Variants in OSBPL10 observed in about 807,000 individuals in gnomAD.
The protein encoded by OSBPL10 is oxysterol binding protein like 10.
In OSBPL10, 49 loss-of-function variants were observed where a neutral mutation model predicts 81.7. The observed-to-expected ratio is 0.60, with a 90% CI of 0.48 to 0.76. The LOEUF (loss-of-function observed/expected upper bound fraction) is 0.76. OSBPL10 is among the 30% of genes least tolerant of loss of function. OSBPL10 has a pLI of 0.00. For missense variants in OSBPL10, 923 were observed against 987.8 expected (o/e 0.93, Z 0.88); for synonymous variants, 419 against 383.6 (o/e 1.09, Z -1.08).
At chr3:31,926,878 G>A (rs1697089898) in intron 1 of OSBPL10, among the ~76,000 whole-genome samples, 1 of 152,190 alleles carries the variant, frequency 6.6e-6, no homozygotes, top group African/African-American at 2.4e-5. Flanking sequence ...GAGAGGCTGA[G>A]GCAGGTGGAT....
chr3:31,791,039 GAGA>G (rs1417044717), intron 4 of OSBPL10, among the ~76,000 whole-genome samples: 1 of 152,166 alleles, frequency 6.6e-6, no homozygotes, highest in Non-Finnish European at 1.5e-5. Flanking sequence ...GGGAAGGATG[GAGA>G]AGGTTTGATT....
intron 3 of OSBPL10, among the ~76,000 whole-genome samples, chr3:31,856,069 TACACACACACACACACAC>T (rs10576489): frequency 0.022 from 2,895 of 134,462 alleles, 45 homozygotes; most frequent in Non-Finnish European, 0.036. Context: ...ATGTTTATAT[TACACACACACACACACAC>T]ACACACACAC....
chr3:31,724,307 G>T (rs1161537483), intron 6 of OSBPL10, among the ~76,000 whole-genome samples: 1 of 152,098 alleles, frequency 6.6e-6, no homozygotes, highest in African/African-American at 2.4e-5. Context: ...CCAGCTCACA[G>T]TTGGCAAATC....
chr3:32,048,603 A>G (rs1363787773), intron 1 of OSBPL10, among the ~76,000 whole-genome samples: 1 of 152,078 alleles, frequency 6.6e-6, no homozygotes, highest in Non-Finnish European at 1.5e-5. Context: ...CACCATGCCC[A>G]GCCTCTCTTA....
Position 31,668,709 on chromosome 3 carries a change from T to C in OSBPL10, c.2029A>G (p.Thr677Ala), listed in dbSNP as rs1700256246. 5.6e-6 allele frequency: 9 copies of C among 1,614,190 alleles called. No individual in the cohort carries two copies. Among genetic ancestry groups the C allele is most frequent in the Non-Finnish European group, 7.6e-6 (9 of 1,180,024 alleles). Residue 677 changes from threonine to alanine, a missense_variant, in exon 10 of 12, where the codon ACA becomes GCA. Physicochemically the swap from Thr to Ala is moderately conservative, Grantham distance 58 (BLOSUM62 0). This residue lies in a region of OSBPL10 where 387 missense variants were observed against 436.3 expected (regional missense o/e 0.89). Transcript: ENST00000396556. ...TTGGGATACACTGGCAGTGTGGTTG[T>C]GTCGATGACTTTGGTTTCTCCATTG... is the stretch of plus-strand genomic sequence containing the variant. ...YNNGETKVID[T>A]TTLPVYPKKI...
rs987727799 is a variant in OSBPL10, at chr3:31,737,022, T to C, written c.941-3611A>G. ...CCTCTATCCCATCATTATCCAGATATGGCAACTTAGGGCACCACAGAGCAA... is the reference window on the plus strand; with the variant it reads ...CCTCTATCCCATCATTATCCAGATACGGCAACTTAGGGCACCACAGAGCAA... On this transcript the variant is annotated intron_variant, in intron 5 of 11. Coordinates refer to ENST00000396556, the MANE Select transcript of OSBPL10 (RefSeq NM_017784.5). 1.1e-4 allele frequency among the ~76,000 whole-genome samples: 16 copies of C among 152,322 alleles called. 1 individual carries two copies. Among genetic ancestry groups the C allele is most frequent in the Middle Eastern group, 3.4e-3 (1 of 294 alleles).
intron 4 of OSBPL10, among the ~76,000 whole-genome samples, chr3:31,750,731 A>T (rs994278212): frequency 2.0e-4 from 31 of 152,158 alleles, no homozygotes; most frequent in African/African-American, 6.0e-4. Context: ...ATGATGCATT[A>T]TGTTTTTATT....
At chr3:31,749,978 C>T (rs755847291) in intron 4 of OSBPL10, among the ~76,000 whole-genome samples, 41 of 151,804 alleles carry the variant, frequency 2.7e-4, no homozygotes, top group Non-Finnish European at 5.1e-4. Context: ...GTCAGGAGTT[C>T]GAAACCAGCC....
chr3:31,842,892 C>T (rs1294600860), intron 3 of OSBPL10, among the ~76,000 whole-genome samples: 2 of 152,128 alleles, frequency 1.3e-5, no homozygotes, highest in African/African-American at 2.4e-5. Context: ...GCTGAGAATA[C>T]GTTCCATAAT....
Position 31,912,460 on chromosome 3 carries a change from G to A in OSBPL10, c.282-32630C>T, listed in dbSNP as rs1433565748. On this transcript the variant is annotated intron_variant, in intron 1 of 11. Coordinates refer to ENST00000396556, the MANE Select transcript of OSBPL10 (RefSeq NM_017784.5). ...GGGTCGGGGGGCGGACATTAGTAAAGTTGAGGAAGTACTGGTTATTGAGAA... is the reference window on the plus strand; with the variant it reads ...GGGTCGGGGGGCGGACATTAGTAAAATTGAGGAAGTACTGGTTATTGAGAA... Among the ~76,000 whole-genome samples, 3 of 151,816 alleles carry A rather than the reference G, an allele frequency of 2.0e-5. No individual in the cohort carries two copies. The South Asian group carries it at 6.2e-4, about 32-fold the overall frequency.
chr3:31,962,756 G>A (rs1214878292), intron 1 of OSBPL10, among the ~76,000 whole-genome samples: 6 of 152,320 alleles, frequency 3.9e-5, no homozygotes, highest in African/African-American at 1.4e-4. Flanking sequence ...TTGTCTAGGG[G>A]AGCAAATCCA....
At chr3:31,895,033 C>G (rs1451488174) in intron 1 of OSBPL10, among the ~76,000 whole-genome samples, 1 of 151,846 alleles carries the variant, frequency 6.6e-6, no homozygotes, top group African/African-American at 2.4e-5. Context: ...GAGCATGGGT[C>G]TCTGATTTCT....
intron 4 of OSBPL10, among the ~76,000 whole-genome samples, chr3:31,784,514 T>C (rs1013048911): frequency 6.6e-6 from 1 of 152,186 alleles, no homozygotes; most frequent in East Asian, 1.9e-4. Context: ...TAAATATGCA[T>C]GTACAAGTTA....
At chr3:31,962,909 T>G (rs757999399) in intron 1 of OSBPL10, among the ~76,000 whole-genome samples, 5 of 152,236 alleles carry the variant, frequency 3.3e-5, no homozygotes, top group African/African-American at 9.6e-5. Context: ...ATGCCTGATC[T>G]CCTGGATCTT....
At chr3:32,009,945 C>T (rs1324515843) in intron 2 of OSBPL10, among the ~76,000 whole-genome samples, 3 of 152,094 alleles carry the variant, frequency 2.0e-5, no homozygotes, top group African/African-American at 7.2e-5. Context: ...TGAATTGTTT[C>T]CCCCAGTGCC....
At chr3:31,990,064 C>T in intron 2 of OSBPL10, 1 of 1,613,994 alleles carries the variant, frequency 6.2e-7, no homozygotes, top group Non-Finnish European at 8.5e-7. Flanking sequence ...CAAATCAAAT[C>T]TTGAAAGACA....
At chr3:32,076,001 A>ACTTTG (rs1475801514) in intron 1 of OSBPL10, among the ~76,000 whole-genome samples, 1 of 152,094 alleles carries the variant, frequency 6.6e-6, no homozygotes, top group African/African-American at 2.4e-5. Flanking sequence ...ATCCTTGAGA[A>ACTTTG]TGTACTTTGT....
At chr3:31,681,818 T>C (rs76985987) in intron 8 of OSBPL10, among the ~76,000 whole-genome samples, 6,641 of 152,234 alleles carry the variant, frequency 0.044, 360 homozygotes, top group East Asian at 0.3. Flanking sequence ...TTAAATATTT[T>C]ATCTCAGCCA....
chr3:31,947,382 C>G (rs1402901385), intron 1 of OSBPL10, among the ~76,000 whole-genome samples: 1 of 152,154 alleles, frequency 6.6e-6, no homozygotes, highest in Non-Finnish European at 1.5e-5. Flanking sequence ...CAGCAGTTCC[C>G]ACAGCATCAC....
Sources: gnomAD v4.1 joint callset for allele counts (sites outside exome capture counted in the v4.1 genomes callset) on GRCh38, gnomAD v4.1.1 for gene constraint, gnomAD v4.1.1 regional missense constraint, MANE v1.5 for transcripts, NCBI Gene and HGNC (gene_info 2026-07-23, HGNC 2026-07-21) for gene names.